The following BICC1 variants were observed in gnomAD, a reference collection of about 807,000 sequenced individuals.
The protein encoded by BICC1 is protein bicaudal C homolog 1.
A neutral mutation model predicts 111.0 loss-of-function variants in BICC1; 43 were observed. That is an observed-to-expected ratio of 0.39 (90% CI 0.30 to 0.50). The LOEUF is 0.50. BICC1 is among the 20% of genes least tolerant of loss of function. The pLI is 0.88. For synonymous variants in BICC1, 467 were observed against 434.4 expected (o/e 1.07, Z -0.93); for missense variants, 1,091 against 1,203.2 (o/e 0.91, Z 1.38).
intron 1 of BICC1, among the ~76,000 whole-genome samples, chr10:58,603,889 G>A (rs1434560035): frequency 1.3e-5 from 2 of 152,180 alleles, no homozygotes; most frequent in African/African-American, 4.8e-5. Flanking sequence ...TAATTAATGA[G>A]TAATTTAATA....
At position 58,543,635 on chromosome 10, in the gene BICC1, C is replaced by T. The variant is rs148497961; in HGVS notation, c.190+30302C>T. Among the ~76,000 whole-genome samples, 1,470 of 152,002 alleles carry T rather than the reference C, an allele frequency of 9.7e-3. 19 individuals are homozygous for T. Among genetic ancestry groups the T allele is most frequent in the Non-Finnish European group, 0.012 (807 of 67,942 alleles). On this transcript the variant is annotated intron_variant, in intron 1 of 20. Transcript: ENST00000373886. ...AGCAGTACTCCTGCCTAAGCCTCCC[C>T]AATAGCTAGGACTATGGTTATGTGC...
chr10:58,578,455 G>A (rs1040830543), intron 1 of BICC1, among the ~76,000 whole-genome samples: 4 of 152,118 alleles, frequency 2.6e-5, no homozygotes, highest in African/African-American at 9.7e-5. Flanking sequence ...TATTGTTCCG[G>A]CTAATCCATT....
chr10:58,535,617 G>T (rs939914434), intron 1 of BICC1, among the ~76,000 whole-genome samples: 1 of 151,634 alleles, frequency 6.6e-6, no homozygotes, highest in Non-Finnish European at 1.5e-5. Flanking sequence ...TACACACCAG[G>T]ATAGAAACCT....
Position 58,528,275 on chromosome 10 carries a change from A to C in BICC1, c.190+14942A>C, listed in dbSNP as rs988496422. Among the ~76,000 whole-genome samples, 94 of 151,822 alleles carry C rather than the reference A, an allele frequency of 6.2e-4. 2 individuals are homozygous for C. Among genetic ancestry groups the C allele is most frequent in the Non-Finnish European group, 1.3e-4 (9 of 67,892 alleles). ...TCCATATGCAAGATGATCTGTCTTC[A>C]CCCTCAATCTAGGCCGTATGTAGAA... On this transcript the variant is annotated intron_variant, in intron 1 of 20. Transcript: ENST00000373886.
intron 1 of BICC1, among the ~76,000 whole-genome samples, chr10:58,569,390 A>G (rs1001827143): frequency 6.6e-6 from 1 of 152,126 alleles, no homozygotes; most frequent in Non-Finnish European, 1.5e-5. Context: ...ATTAAAATGG[A>G]ATGTCTTTTT....
intron 2 of BICC1, among the ~76,000 whole-genome samples, chr10:58,685,906 T>C (rs971948707): frequency 1.7e-4 from 26 of 152,092 alleles, no homozygotes; most frequent in Admixed American, 1.4e-3. Context: ...ATCCTGTTAT[T>C]ATGATGTTAG....
At chr10:58,639,428 ACACT>A (rs1838051650) in intron 2 of BICC1, among the ~76,000 whole-genome samples, 1 of 140,974 alleles carries the variant, frequency 7.1e-6, no homozygotes. Context: ...ACAGAGTCTC[ACACT>A]CACCCAGGCT....
Position 58,830,395 on chromosome 10 carries a change from A to G in BICC1, c.*1504A>G, listed in dbSNP as rs1053714336. ...AATGTTGTCAAGTTACCTGTACTGT[A>G]AAGAGTTATTTATGTTCAGTAGTCA... On this transcript the variant is annotated 3_prime_UTR_variant, in exon 21 of 21. Coordinates refer to ENST00000373886, the MANE Select transcript of BICC1 (RefSeq NM_001080512.3). 17 of 152,286 alleles carry G rather than the reference A, an allele frequency of 1.1e-4. No individual in the cohort carries two copies. The highest frequency in any genetic ancestry group is 3.6e-4 in the African/African-American group (15 of 41,582). 9.4% of individuals were successfully genotyped at this position (152,286 alleles called of 1,614,324 possible). A position where few individuals can be genotyped will look rare whatever the true frequency, so the allele number is the denominator to read the frequency against.
intron 2 of BICC1, among the ~76,000 whole-genome samples, chr10:58,680,601 A>C (rs1477605827): frequency 1.3e-5 from 2 of 152,242 alleles, no homozygotes; most frequent in Non-Finnish European, 2.9e-5. Context: ...CATACTGTCC[A>C]AAGTAATTTA....
chr10:58,545,888 A>G (rs1475220987), intron 1 of BICC1, among the ~76,000 whole-genome samples: 3 of 152,138 alleles, frequency 2.0e-5, no homozygotes, highest in Non-Finnish European at 4.4e-5. Context: ...ACAGAGAAGA[A>G]CACTATTTTA....
In BICC1 at chr10:58,710,430, CAGATTACAG is replaced by C. The variant is rs149150313; in HGVS notation, c.307+8302_307+8310del. Among the ~76,000 whole-genome samples, 1,335 of 152,274 alleles carry C rather than the reference CAGATTACAG, an allele frequency of 8.8e-3. 19 individuals are homozygous for C. Among genetic ancestry groups the C allele is most frequent in the African/African-American group, 0.031 (1,270 of 41,550 alleles). ...CAGTTTCATAATGTCTCAGTCCTTG[CAGATTACAG>C]AGATTACAGAGATTTGAAGGTAGGC... On this transcript the variant is annotated intron_variant, in intron 3 of 20. Coordinates refer to ENST00000373886, the MANE Select transcript of BICC1 (RefSeq NM_001080512.3).
chr10:58,779,271 G>A (rs1842824285), intron 3 of BICC1, among the ~76,000 whole-genome samples: 1 of 152,218 alleles, frequency 6.6e-6, no homozygotes, highest in Non-Finnish European at 1.5e-5. Flanking sequence ...AGGGTTTGAA[G>A]TAGACTCTCG....
Position 58,621,717 on chromosome 10 carries a change from C to T in BICC1, c.237+816C>T, listed in dbSNP as rs577905610. Reference sequence around the variant, plus strand: ...GGTCAGGAGTTTGAGACCAGCCTGGCCAAAAGCCTGTCTCTACTAAAAATA... The same window carrying T: ...GGTCAGGAGTTTGAGACCAGCCTGGTCAAAAGCCTGTCTCTACTAAAAATA... On this transcript the variant is annotated intron_variant, in intron 2 of 20. Transcript: ENST00000373886. 5.9e-5 allele frequency among the ~76,000 whole-genome samples: 9 copies of T among 151,752 alleles called. No individual in the cohort carries two copies. In the South Asian group the frequency reaches 1.9e-3, roughly 32 times the overall value.
intron 15 of BICC1, among the ~76,000 whole-genome samples, chr10:58,804,331 C>T (rs967179570): frequency 2.6e-5 from 4 of 152,042 alleles, no homozygotes; most frequent in African/African-American, 7.2e-5. Flanking sequence ...GCCTGGACAA[C>T]GTGGCAAAAC....
chr10:58,688,264 C>T (rs2132397926), intron 2 of BICC1, among the ~76,000 whole-genome samples: 1 of 152,252 alleles, frequency 6.6e-6, no homozygotes, highest in East Asian at 1.9e-4. Flanking sequence ...CCGCCACGTC[C>T]TGCTGATTGG....
chr10:58,554,662 A>C (rs772807053), intron 1 of BICC1, among the ~76,000 whole-genome samples: 22 of 152,094 alleles, frequency 1.4e-4, no homozygotes, highest in Admixed American at 2.0e-4. Context: ...GTATAATAAG[A>C]ATTACTTTGT....
In BICC1 at chr10:58,735,173, G is replaced by A. The variant is rs77380025; in HGVS notation, c.307+33030G>A. On this transcript the variant is annotated intron_variant, in intron 3 of 20. Coordinates refer to ENST00000373886, the MANE Select transcript of BICC1 (RefSeq NM_001080512.3). ...TTTCTTCCACACATGTGTTATCTAT[G>A]ATGTGATAGACTGTTCTTTTCATAG... is the stretch of plus-strand genomic sequence containing the variant. Among the ~76,000 whole-genome samples the A allele has an allele frequency of 8.5e-4, 129 of 152,338 alleles. 1 individual carries two copies. In the East Asian group the frequency reaches 0.021, roughly 25 times the overall value.
intron 2 of BICC1, among the ~76,000 whole-genome samples, chr10:58,652,371 A>G (rs1269311122): frequency 1.3e-5 from 2 of 152,130 alleles, no homozygotes; most frequent in Admixed American, 1.3e-4. Flanking sequence ...CTCTTGGCAC[A>G]GTGTCTGGGG....
At chr10:58,535,551 G>C (rs112018157) in intron 1 of BICC1, among the ~76,000 whole-genome samples, 84 of 151,716 alleles carry the variant, frequency 5.5e-4, no homozygotes, top group African/African-American at 1.9e-3. Flanking sequence ...GTCAATACTA[G>C]ACCAATGTTA....
Sources: allele counts gnomAD v4.1 joint callset (sites outside exome capture counted in the v4.1 genomes callset), GRCh38; gene constraint gnomAD v4.1.1; transcripts MANE v1.5; gene names NCBI Gene and HGNC (gene_info 2026-07-23, HGNC 2026-07-21).